Variants in SULT2B1 observed in about 807,000 individuals in gnomAD.
The protein encoded by SULT2B1 is sulfotransferase family 2B member 1.
Under a neutral mutation model 33.2 loss-of-function variants are expected in SULT2B1, and 16 were observed. That is an observed-to-expected ratio of 0.48 (90% CI 0.33 to 0.73). The LOEUF (loss-of-function observed/expected upper bound fraction) is 0.73. Ranked by LOEUF, SULT2B1 falls within the 30% of genes least tolerant of loss-of-function variation. The probability of loss-of-function intolerance (pLI) is 0.02; values close to 1 mark genes in which losing one functional copy is unlikely to be tolerated. For synonymous variants in SULT2B1, 186 were observed against 200.5 expected (o/e 0.93, Z 0.61); for missense variants, 500 against 506.0 (o/e 0.99, Z 0.11).
At chr19:48,598,008 A>C (rs1247000217) in intron 6 of SULT2B1, among the ~76,000 whole-genome samples, 1 of 152,052 alleles carries the variant, frequency 6.6e-6, no homozygotes, top group Non-Finnish European at 1.5e-5. Context: ...GCCCACCCAG[A>C]TACTTCAGGG....
At chr19:48,557,547 G>A (rs13347093) in intron 1 of SULT2B1, among the ~76,000 whole-genome samples, 39,594 of 150,672 alleles carry the variant, frequency 0.26, 5,320 homozygotes, top group East Asian at 0.44. Flanking sequence ...CTCAAAAAAA[G>A]AAAAAAGAAA....
chr19:48,567,717 C>T (rs1459201286), intron 1 of SULT2B1, among the ~76,000 whole-genome samples: 1 of 152,066 alleles, frequency 6.6e-6, no homozygotes, highest in Non-Finnish European at 1.5e-5. Context: ...CGCCTGTAAC[C>T]CCAGCACTCT....
chr19:48,567,705 C>T (rs930013944), intron 1 of SULT2B1, among the ~76,000 whole-genome samples: 14 of 152,096 alleles, frequency 9.2e-5, no homozygotes, highest in Non-Finnish European at 1.9e-4. Flanking sequence ...TGCGGTGGCT[C>T]ACGCCTGTAA....
chr19:48,585,089 C>G (rs1274024957), intron 2 of SULT2B1, among the ~76,000 whole-genome samples: 2 of 141,414 alleles, frequency 1.4e-5, no homozygotes, highest in Non-Finnish European at 3.0e-5. Context: ...TACATGTGGT[C>G]TAGCTACTCC....
chr19:48,599,082 G>C lies in SULT2B1; in HGVS notation c.827-53G>C. On this transcript the variant is annotated intron_variant, in intron 6 of 6. Coordinates refer to ENST00000201586, the MANE Select transcript of SULT2B1 (RefSeq NM_177973.2). This position sits in a 1 kb window ranked among gnomAD's most constrained non-coding sequence, Gnocchi z 4.1. ...GAGGTTGCTGGAATGTTGGAGGTAGGGGCGCAGTGCTCCCCAGAGGCTCCT... is the reference window on the plus strand; with the variant it reads ...GAGGTTGCTGGAATGTTGGAGGTAGCGGCGCAGTGCTCCCCAGAGGCTCCT... 1 of 1,532,072 alleles carries C rather than the reference G, an allele frequency of 6.5e-7. No homozygotes were observed. Among genetic ancestry groups the C allele is most frequent in the Non-Finnish European group, 8.7e-7 (1 of 1,144,618 alleles). The allele number at this position is 1,532,072 out of a possible 1,614,324, so 94.9% of individuals were successfully genotyped here.
At chr19:48,581,889 TATA>T (rs911953832) in intron 2 of SULT2B1, among the ~76,000 whole-genome samples, 13 of 95,504 alleles carry the variant, frequency 1.4e-4, no homozygotes, top group African/African-American at 5.1e-4. Flanking sequence ...TTATTATTAT[TATA>T]TTATTATTAT....
intron 2 of SULT2B1, among the ~76,000 whole-genome samples, chr19:48,578,264 G>C (rs1235599763): frequency 6.6e-6 from 1 of 151,890 alleles, no homozygotes; most frequent in Non-Finnish European, 1.5e-5. Flanking sequence ...CGTGGAGCTG[G>C]TCATCCATCA....
In SULT2B1 at chr19:48,563,207, G is replaced by A. The variant is rs189798688; in HGVS notation, c.71+10884G>A. Among the ~76,000 whole-genome samples, 525 of 151,908 alleles carry A rather than the reference G, an allele frequency of 3.5e-3. 5 individuals are homozygous for A. Among genetic ancestry groups the A allele is most frequent in the Middle Eastern group, 0.024 (7 of 292 alleles). ...TAGGATTACAGGGGACTGAGCCACC[G>A]CACCCAGCCTCCTATCGGATCTTAA... is the stretch of plus-strand genomic sequence containing the variant. On this transcript the variant is annotated intron_variant, in intron 1 of 6. Coordinates refer to ENST00000201586, the MANE Select transcript of SULT2B1 (RefSeq NM_177973.2).
intron 1 of SULT2B1, among the ~76,000 whole-genome samples, chr19:48,553,573 A>T (rs1211282026): frequency 6.6e-6 from 1 of 152,076 alleles, no homozygotes; most frequent in Non-Finnish European, 1.5e-5. Flanking sequence ...TCGGCCTCCC[A>T]AAGTGCTGGG....
intron 1 of SULT2B1, among the ~76,000 whole-genome samples, chr19:48,554,200 C>T (rs904599003): frequency 3.3e-5 from 5 of 151,944 alleles, no homozygotes; most frequent in African/African-American, 1.2e-4. Flanking sequence ...ATCCCCCAGG[C>T]CTGGAAGCGT....
chr19:48,559,650 A>G (rs903764180), intron 1 of SULT2B1, among the ~76,000 whole-genome samples: 3 of 152,198 alleles, frequency 2.0e-5, no homozygotes, highest in Admixed American at 6.6e-5. Flanking sequence ...TGGAGGAGGA[A>G]CTGTGGGACC....
At chr19:48,564,223 C>T (rs1447012816) in intron 1 of SULT2B1, among the ~76,000 whole-genome samples, 1 of 148,744 alleles carries the variant, frequency 6.7e-6, no homozygotes, top group Non-Finnish European at 1.5e-5. Context: ...TCCAGCCTGG[C>T]GACAGAGCAA....
chr19:48,566,084 G>A (rs576924299), intron 1 of SULT2B1, among the ~76,000 whole-genome samples: 4 of 152,076 alleles, frequency 2.6e-5, no homozygotes, highest in Admixed American at 1.3e-4. Context: ...AGCTATTTTC[G>A]TATTTTTAGT....
At chr19:48,575,875 C>T (rs1015034724) in intron 1 of SULT2B1, 66 bp from the exon 2 acceptor site, 2 of 1,560,666 alleles carry the variant, frequency 1.3e-6, no homozygotes. Context: ...CGAGTGTCGC[C>T]ACCCTGAGAA....
chr19:48,567,705 C>A (rs930013944), intron 1 of SULT2B1, among the ~76,000 whole-genome samples: 2 of 152,096 alleles, frequency 1.3e-5, no homozygotes, highest in Non-Finnish European at 2.9e-5. Flanking sequence ...TGCGGTGGCT[C>A]ACGCCTGTAA....
At chr19:48,588,824 C>T (rs1280216114) in intron 3 of SULT2B1, among the ~76,000 whole-genome samples, 1 of 151,840 alleles carries the variant, frequency 6.6e-6, no homozygotes, top group Non-Finnish European at 1.5e-5. Flanking sequence ...GAGGGAAAAG[C>T]AGGTGCAAAG....
At chr19:48,562,412 G>A (rs1031085402) in intron 1 of SULT2B1, among the ~76,000 whole-genome samples, 4 of 151,492 alleles carry the variant, frequency 2.6e-5, no homozygotes, top group Admixed American at 6.6e-5. Context: ...TTAGCAAAGC[G>A]TGGTGGTGTA....
chr19:48,574,268 ATTCCTTCC>A (rs950678072), intron 1 of SULT2B1, among the ~76,000 whole-genome samples: 9 of 149,832 alleles, frequency 6.0e-5, no homozygotes, highest in African/African-American at 2.0e-4. Context: ...AAACCCCTTC[ATTCCTTCC>A]TTCCTTCCTT....
chr19:48,591,871 G>C, intron 4 of SULT2B1, 136 bp downstream of exon 4: 1 of 1,037,492 alleles, frequency 9.6e-7, no homozygotes, highest in Non-Finnish European at 1.3e-6. Context: ...TAGAGACAGA[G>C]AGCAGGTGGC....
Sources: gnomAD v4.1 joint callset for allele counts (sites outside exome capture counted in the v4.1 genomes callset) on GRCh38, gnomAD v4.1.1 for gene constraint, Gnocchi (gnomAD v3.1) non-coding constraint, MANE v1.5 for transcripts, NCBI Gene and HGNC (gene_info 2026-07-23, HGNC 2026-07-21) for gene names.